The following GJD2 variants were observed in gnomAD, a reference collection of about 807,000 sequenced individuals.
GJD2 encodes the protein gap junction protein delta 2, also known as gap junction delta-2 protein.
In GJD2, 12 loss-of-function variants were observed where a neutral mutation model predicts 24.3. The ratio of observed to expected loss-of-function variants is 0.49; its 90% CI spans 0.32 to 0.80. The LOEUF (loss-of-function observed/expected upper bound fraction) is 0.80. Ranked by LOEUF, GJD2 falls within the 30% of genes least tolerant of loss-of-function variation. The pLI is 0.04. For missense variants in GJD2, 268 were observed against 402.4 expected, an observed-to-expected ratio of 0.67 and a Z score of 2.86; for synonymous variants, 171 against 155.2, an observed-to-expected ratio of 1.10 and a Z score of -0.76.
intron 1 of GJD2, among the ~76,000 whole-genome samples, chr15:34,753,597 C>T (rs1490499238): frequency 6.6e-6 from 1 of 152,116 alleles, no homozygotes; most frequent in African/African-American, 2.4e-5. Flanking sequence ...ATCCCAGGTA[C>T]ACACATCTCC....
Position 34,753,210 on chromosome 15 carries a change from G to A in GJD2, c.234C>T (p.Tyr78=). 1 of 1,614,172 alleles carries A rather than the reference G, an allele frequency of 6.2e-7. No homozygotes were observed. ...DRAFPISHIR[Y]WVFQIIMVCT... ...ACACCATTATGATCTGGAAGACCCA[G>A]TAACGTATGTGGGAGATGGGGAAGG... Residue 78 remains tyrosine (Y), a synonymous_variant, in exon 2 of 2, where the codon TAC becomes TAT. Coordinates refer to ENST00000290374, the MANE Select transcript of GJD2 (RefSeq NM_020660.3).
Position 34,754,141 on chromosome 15 carries a change from A to G in GJD2, c.71+277T>C, listed in dbSNP as rs1891151527. ...CTGGAGAGTGGAGGGACCAAGACTG[A>G]GCCAGCGGCTCCTTTTCTGATGTGG... On this transcript the variant is annotated intron_variant, in intron 1 of 1. Transcript: ENST00000290374. This position sits in a 1 kb window ranked among gnomAD's most constrained non-coding sequence, Gnocchi z 5.9. Among the ~76,000 whole-genome samples, 2 of 152,146 alleles carry G rather than the reference A, an allele frequency of 1.3e-5. No individual in the cohort carries two copies. The highest frequency in any genetic ancestry group is 2.4e-5 in the African/African-American group (1 of 41,440).
In GJD2 at chr15:34,753,249, G is replaced by C. The variant is rs757374161; in HGVS notation, c.195C>G (p.Ala65=). 3 of 1,614,058 alleles carry C rather than the reference G, an allele frequency of 1.9e-6. No individual in the cohort carries two copies. In the South Asian group the frequency reaches 3.3e-5, roughly 18 times the overall value. Residue 65 remains alanine, a synonymous_variant, in exon 2 of 2, where the codon GCC becomes GCG. Coordinates refer to ENST00000290374, the MANE Select transcript of GJD2 (RefSeq NM_020660.3). The stretch of plus-strand genomic sequence containing the variant: ...AGATGGGGAAGGCGCGGTCATAGCA[G>C]GCCTGGTTACAGCCGGGCTGCAGGG... The part of the protein sequence containing the change: ...CNTLQPGCNQ[A]CYDRAFPISH...
chr15:34,751,040 A>G lies in GJD2; in HGVS notation c.*1438T>C, dbSNP rs1171698149. On this transcript the variant is annotated 3_prime_UTR_variant, in exon 2 of 2. Coordinates refer to ENST00000290374, the MANE Select transcript of GJD2 (RefSeq NM_020660.3). ...AGTGCAGACTCTTCCCATTTTACAA[A>G]AAAAGGCAAGAACTTTATTTTAAAC... 6.6e-6 allele frequency: 1 copy of G among 152,228 alleles called. No individual in the cohort carries two copies. Among genetic ancestry groups the G allele is most frequent in the East Asian group, 1.9e-4 (1 of 5,196 alleles). 9.4% of individuals were successfully genotyped at this position (152,228 alleles called of 1,614,324 possible).
chr15:34,752,461 T>C lies in GJD2; in HGVS notation c.*17A>G, dbSNP rs755862258. The C allele has an allele frequency of 1.6e-5, 25 of 1,607,140 alleles. No individual in the cohort carries two copies. Among genetic ancestry groups the C allele is most frequent in the Non-Finnish European group, 2.0e-5 (24 of 1,175,552 alleles). ...GGGCTCCTTGCCATCCCCCAGACCT[T>C]CATGAAACCTGCCCTCTCACACATA... On this transcript the variant is annotated 3_prime_UTR_variant, in exon 2 of 2. Transcript: ENST00000290374.
At position 34,752,532 on chromosome 15, in the gene GJD2, C is replaced by T; in HGVS notation, c.912G>A (p.Arg304=). 1.9e-6 allele frequency: 3 copies of T among 1,614,186 alleles called. No individual in the cohort carries two copies. The highest frequency in any genetic ancestry group is 2.5e-6 in the Non-Finnish European group (3 of 1,180,016). The change falls in exon 2 of 2, where the codon AGG becomes AGA. Residue 304 remains arginine, a synonymous_variant. Coordinates refer to ENST00000290374, the MANE Select transcript of GJD2 (RefSeq NM_020660.3). ...IYEIRNKDLP[R]VSVPNFGRTQ... The stretch of plus-strand genomic sequence containing the variant: ...TCCTGCCAAAATTGGGAACACTGAC[C>T]CTTGGCAGGTCCTTGTTACGAATCT...
In GJD2 at chr15:34,754,320, G is replaced by C; in HGVS notation, c.71+98C>G. The C allele has an allele frequency of 1.2e-6, 1 of 842,354 alleles. No individual in the cohort carries two copies. Among genetic ancestry groups the C allele is most frequent in the South Asian group, 1.4e-5 (1 of 72,208 alleles). The allele number at this position is 842,354 out of a possible 1,614,324, so 52.2% of individuals were successfully genotyped here. A position where few individuals can be genotyped will look rare whatever the true frequency, so the allele number is the denominator to read the frequency against. Reference sequence around the variant, plus strand: ...GGACGATGGGGAGGAGGCAGAGGACGGACTGGGGATTGGAGCGGGAGACTC... The same window carrying C: ...GGACGATGGGGAGGAGGCAGAGGACCGACTGGGGATTGGAGCGGGAGACTC... On this transcript the variant is annotated intron_variant, in intron 1 of 1. Coordinates refer to ENST00000290374, the MANE Select transcript of GJD2 (RefSeq NM_020660.3). This position sits in a 1 kb window ranked among gnomAD's most constrained non-coding sequence, Gnocchi z 5.9.
chr15:34,753,482 A>G, intron 1 of GJD2, 110 bp from the exon 2 acceptor site: 1 of 971,902 alleles, frequency 1.0e-6, no homozygotes, highest in Non-Finnish European at 1.5e-6. Context: ...TTGACTGGGG[A>G]GCTGTCCATC....
At chr15:34,753,534 C>G (rs966618522) in intron 1 of GJD2, among the ~76,000 whole-genome samples, 162 bp from the exon 2 acceptor site, 2 of 152,138 alleles carry the variant, frequency 1.3e-5, no homozygotes, top group Non-Finnish European at 2.9e-5. Flanking sequence ...AGCTTTTTGT[C>G]TCTTCCTTTT....
At position 34,752,980 on chromosome 15, in the gene GJD2, T is replaced by G. The variant is rs1199262802; in HGVS notation, c.464A>C (p.Gln155Pro). ...LQNAIVNGVL[Q>P]NTENTSKETE... ...CTCCTTACTGGTGTTCTCTGTGTTCTGCAGCACCCCATTCACAATAGCATT... is the reference window on the plus strand; with the variant it reads ...CTCCTTACTGGTGTTCTCTGTGTTCGGCAGCACCCCATTCACAATAGCATT... Residue 155 changes from glutamine to proline, a missense_variant, in exon 2 of 2, where the codon CAG (glutamine) becomes CCG (proline). By Grantham distance (76) the Gln-to-Pro change is moderately conservative. Around this residue, in one of 3 missense-constraint regions of GJD2, gnomAD observed 87 missense variants for 77.8 expected, o/e 1.12. Transcript: ENST00000290374. The G allele has an allele frequency of 3.7e-6, 6 of 1,614,096 alleles. No individual in the cohort carries two copies. The highest frequency in any genetic ancestry group is 4.2e-6 in the Non-Finnish European group (5 of 1,180,040).
rs1374357703 is a variant in GJD2 at position 34,753,387 on chromosome 15, A to G, written c.72-15T>C. ...TCAACAGGATCCTGAACGGAGGAAG[A>G]GGGAGGGAGAGAGGTTCTCACGGGC... On this transcript the variant is annotated splice_polypyrimidine_tract_variant and intron_variant, in intron 1 of 1. Coordinates refer to ENST00000290374, the MANE Select transcript of GJD2 (RefSeq NM_020660.3). 2 of 1,575,880 alleles carry G rather than the reference A, an allele frequency of 1.3e-6. No individual in the cohort carries two copies. The highest frequency in any genetic ancestry group is 2.7e-5 in the African/African-American group (2 of 74,538).
chr15:34,753,935 G>A (rs572088425), intron 1 of GJD2, among the ~76,000 whole-genome samples: 10 of 152,246 alleles, frequency 6.6e-5, no homozygotes, highest in Non-Finnish European at 1.3e-4. Context: ...TGGCAATTGG[G>A]TGTGTAGGCT....
rs548320409 is a variant in GJD2 at position 34,752,095 on chromosome 15, G to T, written c.*383C>A. 4.7e-6 allele frequency: 1 copy of T among 213,122 alleles called. No homozygotes were observed. The highest frequency in any genetic ancestry group is 5.1e-5 in the Admixed American group (1 of 19,548). The allele number at this position is 213,122 out of a possible 1,614,324, so 13.2% of individuals were successfully genotyped here. A position where few individuals can be genotyped will look rare whatever the true frequency, so the allele number is the denominator to read the frequency against. On this transcript the variant is annotated 3_prime_UTR_variant, in exon 2 of 2. Coordinates refer to ENST00000290374, the MANE Select transcript of GJD2 (RefSeq NM_020660.3). ...AGGATAAAGGGATGGGTTGAGATAG[G>T]TCACAAATTTTATATCAATGAAGTA... is the stretch of plus-strand genomic sequence containing the variant.
chr15:34,752,358 G>T lies in GJD2; in HGVS notation c.*120C>A. 1.2e-6 allele frequency: 1 copy of T among 832,218 alleles called. No individual in the cohort carries two copies. Among genetic ancestry groups the T allele is most frequent in the Non-Finnish European group, 1.9e-6 (1 of 534,132 alleles). The allele number at this position is 832,218 out of a possible 1,614,324, so 51.6% of individuals were successfully genotyped here. ...TTGGTGCAAAATCTTCTTTTATCCAGTCTTATCCTACATCTTAATGGTGAG... is the reference window on the plus strand; with the variant it reads ...TTGGTGCAAAATCTTCTTTTATCCATTCTTATCCTACATCTTAATGGTGAG... On this transcript the variant is annotated 3_prime_UTR_variant, in exon 2 of 2. Transcript: ENST00000290374.
chr15:34,754,557 C>T lies in GJD2; in HGVS notation c.-69G>A. The T allele has an allele frequency of 1.6e-6, 2 of 1,286,934 alleles. No homozygotes were observed. The highest frequency in any genetic ancestry group is 2.3e-6 in the Non-Finnish European group (2 of 884,058). The allele number at this position is 1,286,934 out of a possible 1,614,324, so 79.7% of individuals were successfully genotyped here. A position where few individuals can be genotyped will look rare whatever the true frequency, so the allele number is the denominator to read the frequency against. ...GGCACGTTCCCGCTCCTGGCCCCTCCCCGGGCCGCACTTCCAGAATGGGAG... is the reference window on the plus strand; with the variant it reads ...GGCACGTTCCCGCTCCTGGCCCCTCTCCGGGCCGCACTTCCAGAATGGGAG... On this transcript the variant is annotated 5_prime_UTR_variant, in exon 1 of 2. Coordinates refer to ENST00000290374, the MANE Select transcript of GJD2 (RefSeq NM_020660.3). This position sits in a 1 kb window ranked among gnomAD's most constrained non-coding sequence, Gnocchi z 5.9.
rs2140414764 is a variant in GJD2 at position 34,754,051 on chromosome 15, C to A, written c.71+367G>T. ...CATCTCCCCATTTGCCCTTTTCTGT[C>A]CAAATGCAATCCTGCCTTCTTTGTA... On this transcript the variant is annotated intron_variant, in intron 1 of 1. Coordinates refer to ENST00000290374, the MANE Select transcript of GJD2 (RefSeq NM_020660.3). The surrounding 1 kb of genome is among the most constrained non-coding windows in gnomAD (Gnocchi z 5.9). Among the ~76,000 whole-genome samples the A allele has an allele frequency of 6.6e-6, 1 of 152,284 alleles. No homozygotes were observed. The highest frequency in any genetic ancestry group is 1.5e-5 in the Non-Finnish European group (1 of 68,030).
Position 34,753,183 on chromosome 15 carries a change from A to G in GJD2, c.261T>C (p.Cys87=). The change falls in exon 2 of 2, where the codon TGT becomes TGC. Residue 87 remains cysteine (C), a synonymous_variant. Transcript: ENST00000290374. Reference sequence around the variant, plus strand: ...AGGTGATGAAGCAAAGACTGGGGGTACACACCATTATGATCTGGAAGACCC... The same window carrying G: ...AGGTGATGAAGCAAAGACTGGGGGTGCACACCATTATGATCTGGAAGACCC... The part of the protein sequence containing the change: ...RYWVFQIIMV[C]TPSLCFITYS... 5.6e-6 allele frequency: 9 copies of G among 1,614,132 alleles called. No homozygotes were observed. The highest frequency in any genetic ancestry group is 7.6e-6 in the Non-Finnish European group (9 of 1,180,018).
chr15:34,751,957 A>AAAAAG lies in GJD2; in HGVS notation c.*520_*521insCTTTT, dbSNP rs2140413635. On this transcript the variant is annotated 3_prime_UTR_variant, in exon 2 of 2. Transcript: ENST00000290374. Reference sequence around the variant, plus strand: ...GTCTAATGTAAGGCCAGATTCTGGAAAAAAAAAAAAAAAAAAAAAAAAAGC... The same window carrying AAAAAG: ...GTCTAATGTAAGGCCAGATTCTGGAAAAAAGAAAAAAAAAAAAAAAAAAAAAAAGC... 1.2e-5 allele frequency: 1 copy of AAAAAG among 80,244 alleles called. No individual in the cohort carries two copies. The highest frequency in any genetic ancestry group is 5.6e-5 in the African/African-American group (1 of 17,700). The allele number at this position is 80,244 out of a possible 1,614,324, so 5.0% of individuals were successfully genotyped here. A position where few individuals can be genotyped will look rare whatever the true frequency, so the allele number is the denominator to read the frequency against.
At position 34,752,329 on chromosome 15, in the gene GJD2, C is replaced by T. The variant is rs1411236107; in HGVS notation, c.*149G>A. On this transcript the variant is annotated 3_prime_UTR_variant, in exon 2 of 2. Coordinates refer to ENST00000290374, the MANE Select transcript of GJD2 (RefSeq NM_020660.3). Reference sequence around the variant, plus strand: ...AAAATGGGTCCACTTTTCCTCCTTTCCCATTGGTGCAAAATCTTCTTTTAT... The same window carrying T: ...AAAATGGGTCCACTTTTCCTCCTTTTCCATTGGTGCAAAATCTTCTTTTAT... The T allele has an allele frequency of 7.4e-6, 5 of 677,140 alleles. No individual in the cohort carries two copies. Among genetic ancestry groups the T allele is most frequent in the Non-Finnish European group, 1.2e-5 (5 of 403,860 alleles). The allele number at this position is 677,140 out of a possible 1,614,324, so 41.9% of individuals were successfully genotyped here.
Sources: gnomAD v4.1 joint callset for allele counts (sites outside exome capture counted in the v4.1 genomes callset) on GRCh38, gnomAD v4.1.1 for gene constraint, gnomAD v4.1.1 regional missense constraint, Gnocchi (gnomAD v3.1) non-coding constraint, MANE v1.5 for transcripts, NCBI Gene and HGNC (gene_info 2026-07-23, HGNC 2026-07-21) for gene names.